ADGRB1: variants seen among roughly 807,000 people sequenced by gnomAD.
ADGRB1 encodes adhesion G protein-coupled receptor B1.
In ADGRB1, 36 loss-of-function variants were observed where a neutral mutation model predicts 175.7. The observed-to-expected ratio is 0.20, with a 90% CI of 0.16 to 0.27. The LOEUF (loss-of-function observed/expected upper bound fraction) is 0.27. ADGRB1 is among the 10% of genes least tolerant of loss of function. The pLI is 1.00. For synonymous variants in ADGRB1, 1,054 were observed against 979.4 expected, an observed-to-expected ratio of 1.08 and a Z score of -1.42; for missense variants, 1,731 against 2,255.3, an observed-to-expected ratio of 0.77 and a Z score of 4.71.
At chr8:142,470,032 G>A (rs1160115715) in intron 2 of ADGRB1, among the ~76,000 whole-genome samples, 1 of 152,172 alleles carries the variant, frequency 6.6e-6, no homozygotes, top group African/African-American at 2.4e-5. Context: ...GCCCAGGCCA[G>A]CCCGTGGCCC....
intron 17 of ADGRB1, among the ~76,000 whole-genome samples, chr8:142,508,447 TCCAGGGACC>T (rs1842938461): frequency 6.6e-6 from 1 of 152,180 alleles, no homozygotes; most frequent in African/African-American, 2.4e-5. Flanking sequence ...ACCAGGACTT[TCCAGGGACC>T]CCACGCTCCC....
Position 142,464,299 on chromosome 8 carries a change from C to T in ADGRB1, c.101C>T (p.Ala34Val). Reference protein sequence around the residue: ...LGRRARAAAGADAGPGPEPCA... With the variant: ...LGRRARAAAGVDAGPGPEPCA... ...CGCCGCGCGCGGGCGGCCGCCGGAG[C>T]AGACGCGGGGCCCGGGCCCGAGCCG... The change falls in exon 2 of 31, where the codon GCA becomes GTA. Residue 34 changes from alanine (A) to valine (V), a missense_variant. Physicochemically the swap from Ala to Val is moderately conservative, Grantham distance 64. Transcript: ENST00000517894. 2 of 1,392,458 alleles carry T rather than the reference C, an allele frequency of 1.4e-6. No individual in the cohort carries two copies. The highest frequency in any genetic ancestry group is 1.8e-6 in the Non-Finnish European group (2 of 1,081,774). 86.3% of individuals were successfully genotyped at this position (1,392,458 alleles called of 1,614,324 possible).
At chr8:142,498,920 A>G (rs113768172) in intron 17 of ADGRB1, among the ~76,000 whole-genome samples, 2,491 of 151,936 alleles carry the variant, frequency 0.016, 76 homozygotes, top group African/African-American at 0.056. Flanking sequence ...TGCCTGCCAG[A>G]CCTCTGTGCC....
In ADGRB1 at chr8:142,533,391, C is replaced by T; in HGVS notation, c.3495C>T (p.Phe1165=). The T allele has an allele frequency of 1.2e-6, 2 of 1,612,354 alleles. No individual in the cohort carries two copies. The highest frequency in any genetic ancestry group is 1.7e-6 in the Non-Finnish European group (2 of 1,179,506). ...LAVTDRRSAL[F]QILFAVFDSL... is the part of the protein sequence containing the mutation. ...TCACCGACCGCCGCTCCGCCCTCTT[C>T]CAGATCCTCTTCGCTGTCTTCGACT... is the stretch of plus-strand genomic sequence containing the variant. Residue 1165 remains phenylalanine (F), a synonymous_variant, in exon 25 of 31, where the codon TTC becomes TTT. Transcript: ENST00000517894.
rs201540815 is a variant in ADGRB1 at position 142,518,151 on chromosome 8, C to A, written c.2831C>A (p.Ala944Glu). 4.3e-6 allele frequency: 7 copies of A among 1,613,562 alleles called. No individual in the cohort carries two copies. The highest frequency in any genetic ancestry group is 1.7e-5 in the Admixed American group (1 of 59,990). The change falls in exon 19 of 31, where the codon GCG (alanine) becomes GAG (glutamate). Residue 944 changes from alanine to glutamate, a missense_variant. Around this residue, in one of 8 missense-constraint regions of ADGRB1, gnomAD observed 301 missense variants for 488.4 expected, o/e 0.62. Coordinates refer to ENST00000517894, the MANE Select transcript of ADGRB1 (RefSeq NM_001702.3). ...CGGTCCCCACAGAACATGGAGAAGG[C>A]GACTCTGCCGTCGGTGACGCTCATC... ...QLSADANMEK[A>E]TLPSVTLIVG... is the part of the protein sequence containing the mutation.
At chr8:142,498,171 C>G (rs988322850) in intron 17 of ADGRB1, among the ~76,000 whole-genome samples, 1 of 152,174 alleles carries the variant, frequency 6.6e-6, no homozygotes, top group African/African-American at 2.4e-5. Context: ...ACCCCTGTCT[C>G]TTTCTTCCTG....
Position 142,544,359 on chromosome 8 carries a change from C to T in ADGRB1, c.4697C>T (p.Ser1566Leu), listed in dbSNP as rs370020603. 541 of 1,538,418 alleles carry T rather than the reference C, an allele frequency of 3.5e-4. 4 individuals carry two copies. The South Asian group carries it at 4.7e-3, about 13-fold the overall frequency. Residue 1566 changes from serine (S) to leucine (L), a missense_variant, in exon 31 of 31, where the codon TCG (serine) becomes TTG (leucine). Coordinates refer to ENST00000517894, the MANE Select transcript of ADGRB1 (RefSeq NM_001702.3). ...LELRSVEWER[S>L]GATIPLVGQD... ...CTTCGCAGCGTGGAGTGGGAGAGGT[C>T]GGGCGCCACGATCCCGCTGGTGGGC...
chr8:142,469,589 A>ATGTGTGTGTGCACGTGCATG (rs779203206), intron 2 of ADGRB1, among the ~76,000 whole-genome samples: 3 of 100,586 alleles, frequency 3.0e-5, no homozygotes, highest in South Asian at 7.1e-4. Context: ...GCATGTGTGA[A>ATGTGTGTGTGCACGTGCATG]TGTGTGTGTG....
Position 142,521,891 on chromosome 8 carries a change from A to G in ADGRB1, c.3025-74A>G, listed in dbSNP as rs533790847. ...CTGGGTGCTGGGCTGCCAGCTGCAG[A>G]CAGGCACTCAGTGGGGACAGGTGTG... On this transcript the variant is annotated intron_variant, in intron 20 of 30. Coordinates refer to ENST00000517894, the MANE Select transcript of ADGRB1 (RefSeq NM_001702.3). 6.0e-6 allele frequency: 9 copies of G among 1,505,560 alleles called. No individual in the cohort carries two copies. The African/African-American group carries it at 9.6e-5, about 16-fold the overall frequency. The allele number at this position is 1,505,560 out of a possible 1,614,324, so 93.3% of individuals were successfully genotyped here. A position where few individuals can be genotyped will look rare whatever the true frequency, so the allele number is the denominator to read the frequency against.
Position 142,492,528 on chromosome 8 carries a change from G to C in ADGRB1, c.2675+1713G>C, listed in dbSNP as rs1264491640. Among the ~76,000 whole-genome samples, 1 of 152,196 alleles carries C rather than the reference G, an allele frequency of 6.6e-6. No individual in the cohort carries two copies. The highest frequency in any genetic ancestry group is 1.9e-4 in the East Asian group (1 of 5,174). On this transcript the variant is annotated intron_variant, in intron 17 of 30. Transcript: ENST00000517894. This position sits in a 1 kb window ranked among gnomAD's most constrained non-coding sequence, Gnocchi z 4.4. ...AGAGGCCTGGCAAGCACAGCTCTGCGTGTGAGTGTCTGGGGATGAGCGTCG... is the reference window on the plus strand; with the variant it reads ...AGAGGCCTGGCAAGCACAGCTCTGCCTGTGAGTGTCTGGGGATGAGCGTCG...
chr8:142,513,844 C>T (rs562991095), intron 18 of ADGRB1, among the ~76,000 whole-genome samples: 34 of 152,100 alleles, frequency 2.2e-4, no homozygotes, highest in African/African-American at 8.2e-4. Flanking sequence ...GGCGTGGGCT[C>T]AGCAGGCAGG....
chr8:142,455,894 A>G lies in ADGRB1; in HGVS notation c.-220+5790A>G, dbSNP rs902386783. ...AGCACCTCTCTGAGGCTAAGTTGGC[A>G]TCTCTGTGACAGGAGGGTGGGTGGC... On this transcript the variant is annotated intron_variant, in intron 1 of 30. Coordinates refer to ENST00000517894, the MANE Select transcript of ADGRB1 (RefSeq NM_001702.3). This position sits in a 1 kb window ranked among gnomAD's most constrained non-coding sequence, Gnocchi z 4.9. 7.9e-5 allele frequency among the ~76,000 whole-genome samples: 12 copies of G among 152,116 alleles called. No homozygotes were observed. Among genetic ancestry groups the G allele is most frequent in the African/African-American group, 2.9e-4 (12 of 41,428 alleles).
chr8:142,531,377 G>A (rs942163851), intron 24 of ADGRB1, among the ~76,000 whole-genome samples: 11 of 152,186 alleles, frequency 7.2e-5, no homozygotes, highest in Non-Finnish European at 4.4e-5. Context: ...GGCCCTGTCC[G>A]CTGCTGCAGC....
chr8:142,513,947 C>G (rs1436440355), intron 18 of ADGRB1, among the ~76,000 whole-genome samples: 4 of 151,990 alleles, frequency 2.6e-5, no homozygotes, highest in Non-Finnish European at 4.4e-5. Context: ...ACAGAATGGA[C>G]TGGTGGGAGG....
chr8:142,536,238 T>A (rs58631415), intron 25 of ADGRB1, among the ~76,000 whole-genome samples: 53,847 of 151,486 alleles, frequency 0.36, 10,014 homozygotes, highest in East Asian at 0.57. Context: ...ATTCCCTTTA[T>A]ATACTGTTAC....
At chr8:142,469,875 G>C (rs1198366212) in intron 2 of ADGRB1, among the ~76,000 whole-genome samples, 1 of 152,234 alleles carries the variant, frequency 6.6e-6, no homozygotes, top group Non-Finnish European at 1.5e-5. Flanking sequence ...AGCAGAGGCA[G>C]AGTTGACCCC....
intron 17 of ADGRB1, among the ~76,000 whole-genome samples, chr8:142,503,165 AC>A (rs149275388): frequency 0.045 from 6,884 of 151,604 alleles, 194 homozygotes; most frequent in African/African-American, 0.069. Flanking sequence ...GGGAAGCGAG[AC>A]CCCCCATGAC....
intron 17 of ADGRB1, among the ~76,000 whole-genome samples, chr8:142,509,254 G>A (rs529780735): frequency 1.1e-4 from 17 of 152,302 alleles, no homozygotes; most frequent in South Asian, 1.0e-3. Flanking sequence ...GCCCTGTGCC[G>A]CTCAGCGCTG....
At chr8:142,485,288 C>T (rs1841610025) in intron 13 of ADGRB1, among the ~76,000 whole-genome samples, 1 of 152,190 alleles carries the variant, frequency 6.6e-6, no homozygotes, top group Non-Finnish European at 1.5e-5. Context: ...AGGTGGCTGT[C>T]ATTACAAACA....
Sources: allele counts gnomAD v4.1 joint callset (sites outside exome capture counted in the v4.1 genomes callset), GRCh38; gene constraint gnomAD v4.1.1; regional missense constraint gnomAD v4.1.1; non-coding constraint Gnocchi (gnomAD v3.1); transcripts MANE v1.5; gene names NCBI Gene and HGNC (gene_info 2026-07-23, HGNC 2026-07-21).